Variants in ARAP2 observed in about 807,000 individuals in gnomAD.
ARAP2 encodes the protein arf-GAP with Rho-GAP domain, ANK repeat and PH domain-containing protein 2.
A neutral mutation model predicts 194.5 loss-of-function variants in ARAP2; 148 were observed. The observed-to-expected ratio is 0.76, with a 90% CI of 0.67 to 0.87. The LOEUF (loss-of-function observed/expected upper bound fraction) is 0.87. ARAP2 is among the 40% of genes least tolerant of loss of function. The pLI is 0.00. For synonymous variants in ARAP2, 695 were observed against 683.5 expected, an observed-to-expected ratio of 1.02 and a Z score of -0.26; for missense variants, 2,128 against 1,989.7, an observed-to-expected ratio of 1.07 and a Z score of -1.32.
intron 19 of ARAP2, among the ~76,000 whole-genome samples, chr4:36,146,634 A>T (rs906584784): frequency 6.6e-6 from 1 of 152,076 alleles, no homozygotes; most frequent in Non-Finnish European, 1.5e-5. Context: ...AAGCTCTTTC[A>T]TTCAAGATCT....
intron 2 of ARAP2, among the ~76,000 whole-genome samples, chr4:36,055,597 T>G (rs1294192420): frequency 2.0e-5 from 3 of 152,176 alleles, no homozygotes; most frequent in Non-Finnish European, 2.9e-5. Context: ...GGAGTCTCAC[T>G]CTGTCGCCCA....
chr4:36,228,854 A>T lies in ARAP2; in HGVS notation c.633T>A (p.Asn211Lys). Residue 211 changes from asparagine to lysine, a missense_variant, in exon 2 of 33, where the codon AAT becomes AAA. By Grantham distance (94) the Asn-to-Lys change is moderately conservative. Transcript: ENST00000303965. ...CAAAAGAAAGGCATTCAGAGTCTGC[A>T]TTAGGGAGCTTACTGAGATTTTCTG... ...LITENLSKLPNADSECLSFVG... is the reference protein window; with the variant it reads ...LITENLSKLPKADSECLSFVG... 6.2e-7 allele frequency: 1 copy of T among 1,614,148 alleles called. No individual in the cohort carries two copies. The highest frequency in any genetic ancestry group is 8.5e-7 in the Non-Finnish European group (1 of 1,180,016).
At chr4:36,196,829 CTCTT>C (rs1334099726) in intron 6 of ARAP2, among the ~76,000 whole-genome samples, 1 of 151,866 alleles carries the variant, frequency 6.6e-6, no homozygotes, top group African/African-American at 2.4e-5. Flanking sequence ...CTTCTCCAGA[CTCTT>C]TCTTGCCTCA....
At chr4:36,050,710 G>A (rs918431420) in intron 3 of ARAP2, among the ~76,000 whole-genome samples, 4 of 152,130 alleles carry the variant, frequency 2.6e-5, no homozygotes, top group Non-Finnish European at 5.9e-5. Flanking sequence ...AAAATGGGAC[G>A]TATTTGAAAT....
At position 36,050,765 on chromosome 4, in the gene ARAP2, T is replaced by C. The variant is rs560628290; in HGVS notation, n.369+1241A>G. The stretch of plus-strand genomic sequence containing the variant: ...TGAGTACCCCCACAAAGTACTTGTT[T>C]GTTCAAATCTTCTAGCAATTTATTT... On this transcript the variant is annotated intron_variant and non_coding_transcript_variant, in intron 3 of 12. Transcript: ENST00000503225. 8.5e-5 allele frequency among the ~76,000 whole-genome samples: 13 copies of C among 152,352 alleles called. No individual in the cohort carries two copies. In the East Asian group the frequency reaches 2.5e-3, roughly 29 times the overall value.
At chr4:36,171,988 T>C (rs1357334606) in intron 9 of ARAP2, among the ~76,000 whole-genome samples, 1 of 152,202 alleles carries the variant, frequency 6.6e-6, no homozygotes, top group Non-Finnish European at 1.5e-5. Context: ...TAAGCCAAAC[T>C]ATCAACCTTT....
chr4:36,111,282 C>T (rs752344965), intron 26 of ARAP2, among the ~76,000 whole-genome samples: 29 of 151,918 alleles, frequency 1.9e-4, no homozygotes, highest in Admixed American at 4.6e-4. Flanking sequence ...ATCTCCTTCT[C>T]ATATTTCACT....
intron 28 of ARAP2, 132 bp downstream of exon 28, chr4:36,091,749 G>A (rs867528600): frequency 8.8e-6 from 9 of 1,020,160 alleles, no homozygotes; most frequent in Admixed American, 3.1e-5. Context: ...ATAGGCTGAA[G>A]CAAATCATCA....
chr4:36,182,271 T>A (rs889367368), intron 8 of ARAP2, among the ~76,000 whole-genome samples: 1 of 152,034 alleles, frequency 6.6e-6, no homozygotes, highest in African/African-American at 2.4e-5. Context: ...GGCTGGCAAA[T>A]CACGAGGTCA....
intron 6 of ARAP2, 118 bp downstream of exon 6, chr4:36,210,272 C>CTGTGTA (rs1746457196): frequency 1.1e-6 from 1 of 889,868 alleles, no homozygotes; most frequent in African/African-American, 1.7e-5. Flanking sequence ...AATGGCATCT[C>CTGTGTA]TGTGTATGTG....
chr4:36,167,080 GAAAC>G (rs779040876), intron 9 of ARAP2, 33 bp from the exon 10 acceptor site: 4 of 1,179,354 alleles, frequency 3.4e-6, no homozygotes, highest in Non-Finnish European at 4.8e-6. Context: ...AAACTATAAA[GAAAC>G]AAAAAAAAAG....
chr4:36,093,649 T>C (rs1015816993), intron 27 of ARAP2, among the ~76,000 whole-genome samples: 1 of 152,138 alleles, frequency 6.6e-6, no homozygotes, highest in Admixed American at 6.6e-5. Context: ...TATTTTGGAT[T>C]CAGGGGTACA....
At chr4:36,196,417 A>G (rs531765734) in intron 6 of ARAP2, among the ~76,000 whole-genome samples, 2 of 152,212 alleles carry the variant, frequency 1.3e-5, no homozygotes, top group African/African-American at 4.8e-5. Context: ...AATGCAAAGG[A>G]CACACCCTAC....
chr4:36,213,817 C>T (rs1443038771), intron 3 of ARAP2, among the ~76,000 whole-genome samples: 3 of 152,072 alleles, frequency 2.0e-5, no homozygotes, highest in African/African-American at 7.2e-5. Flanking sequence ...GCCATAGCTA[C>T]TAATGCATCT....
At chr4:36,042,810 A>T (rs541599061) in intron 5 of ARAP2, among the ~76,000 whole-genome samples, 1 of 150,644 alleles carries the variant, frequency 6.6e-6, no homozygotes, top group Non-Finnish European at 1.5e-5. Flanking sequence ...TATTCATCCA[A>T]TCAATAAATC....
At chr4:36,212,324 TA>T in intron 5 of ARAP2, 71 bp downstream of exon 5, 1 of 1,290,362 alleles carries the variant, frequency 7.7e-7, no homozygotes, top group Non-Finnish European at 1.1e-6. Flanking sequence ...AATATTATAC[TA>T]AGAATGAGAA....
In ARAP2 at chr4:36,213,779, A is replaced by T. The variant is rs373418634; in HGVS notation, c.965-460T>A. 9.8e-5 allele frequency among the ~76,000 whole-genome samples: 15 copies of T among 152,290 alleles called. No homozygotes were observed. The East Asian group carries it at 1.9e-3, about 20-fold the overall frequency. ...ATAGCTAGATATCACTTAAAATCCC[A>T]GAAGGCATTTAATATAATTCCTCTA... is the stretch of plus-strand genomic sequence containing the variant. On this transcript the variant is annotated intron_variant, in intron 3 of 32. Transcript: ENST00000303965.
At chr4:36,172,476 A>AT (rs1443867174) in intron 9 of ARAP2, among the ~76,000 whole-genome samples, 1 of 152,178 alleles carries the variant, frequency 6.6e-6, no homozygotes, top group Non-Finnish European at 1.5e-5. Context: ...AAATATTTCC[A>AT]TTTTTTAATA....
intron 9 of ARAP2, among the ~76,000 whole-genome samples, chr4:36,175,395 G>A (rs1208859512): frequency 2.0e-5 from 3 of 152,110 alleles, no homozygotes; most frequent in South Asian, 2.1e-4. Context: ...GCTCTATCAC[G>A]GGAGAAAACC....
Sources: gnomAD v4.1 joint callset for allele counts (sites outside exome capture counted in the v4.1 genomes callset) on GRCh38, gnomAD v4.1.1 for gene constraint, MANE v1.5 for transcripts, NCBI Gene and HGNC (gene_info 2026-07-23, HGNC 2026-07-21) for gene names.